The following CDKL5 variants were observed in gnomAD, a reference collection of about 807,000 sequenced individuals.
CDKL5 encodes the protein cyclin-dependent kinase-like 5.
In CDKL5, 8 loss-of-function variants were observed where a neutral mutation model predicts 61.7. The observed-to-expected ratio is 0.13, with a 90% confidence interval of 0.08 to 0.23. The LOEUF (loss-of-function observed/expected upper bound fraction) is 0.23, where lower values mean the gene tolerates loss of function less well. Among genes scored for constraint, CDKL5 ranks in the 10% least tolerant of loss-of-function variants. CDKL5 has a pLI of 1.00. For missense variants in CDKL5, 440 were observed against 734.5 expected, an observed-to-expected ratio of 0.60 and a Z score of 4.63; for synonymous variants, 275 against 272.3, an observed-to-expected ratio of 1.01 and a Z score of -0.10.
intron 1 of CDKL5, among the ~76,000 whole-genome samples, chrX:18,500,496 A>G (rs967885905): frequency 1.8e-5 from 2 of 111,808 alleles, no homozygotes; most frequent in Non-Finnish European, 3.8e-5. Flanking sequence ...GGTTTGGATT[A>G]TCTCTCTGGA....
At position 18,604,252 on chromosome X, in the gene CDKL5, A is replaced by ACCG; in HGVS notation, c.1331_1333dup (p.Arg444dup). 8.3e-7 allele frequency: 1 copy of ACCG among 1,211,701 alleles called. No individual in the cohort carries two copies. Among genetic ancestry groups the ACCG allele is most frequent in the African/African-American group, 1.7e-5 (1 of 57,788 alleles). ...AAGTCAAACAGCAGATCTCAGCAGA[A>ACCG]CCGCCACTCATTCATGGAAAGCTCT... On this transcript the variant is annotated inframe_insertion, in exon 12 of 18. Transcript: ENST00000623535.
intron 3 of CDKL5, among the ~76,000 whole-genome samples, chrX:18,517,039 CT>C (rs1923052294): frequency 1.8e-5 from 2 of 112,055 alleles, no homozygotes; most frequent in Non-Finnish European, 3.8e-5. Context: ...CCTGACCTAA[CT>C]TTTTTAGGGA....
chrX:18,625,711 A>C (rs1162508631), intron 17 of CDKL5, among the ~76,000 whole-genome samples: 2 of 111,990 alleles, frequency 1.8e-5, no homozygotes, highest in African/African-American at 6.5e-5. Context: ...TGAAATCCAT[A>C]CTGTTTTTGA....
chrX:18,526,870 G>A (rs904645620), intron 3 of CDKL5, among the ~76,000 whole-genome samples: 4 of 109,126 alleles, frequency 3.7e-5, no homozygotes, highest in African/African-American at 1.0e-4. Context: ...CGCAACCTCC[G>A]CCTCCTGGGT....
chrX:18,592,447 A>C (rs1483660784), intron 9 of CDKL5, among the ~76,000 whole-genome samples: 1 of 111,992 alleles, frequency 8.9e-6, no homozygotes, highest in Non-Finnish European at 1.9e-5. Flanking sequence ...TGGATTAGAT[A>C]GGCCACACAA....
intron 3 of CDKL5, 107 bp downstream of exon 3, chrX:18,510,961 T>A: frequency 3.4e-6 from 2 of 582,987 alleles, no homozygotes; most frequent in Non-Finnish European, 5.6e-6. Flanking sequence ...ATTCCTTATC[T>A]GAAATGCTTG....
intron 1 of CDKL5, among the ~76,000 whole-genome samples, chrX:18,447,700 A>G (rs1287973088): frequency 9.0e-6 from 1 of 110,962 alleles, no homozygotes; most frequent in East Asian, 2.8e-4. Flanking sequence ...TTGATGATCT[A>G]CTTACTCCTT....
At chrX:18,428,203 T>C (rs912651439) in intron 1 of CDKL5, among the ~76,000 whole-genome samples, 3 of 112,319 alleles carry the variant, frequency 2.7e-5, no homozygotes, top group African/African-American at 9.7e-5. Context: ...GTTTCACCAC[T>C]GTGTCCAGGA....
chrX:18,534,120 G>A (rs1208516420), intron 3 of CDKL5, among the ~76,000 whole-genome samples: 1 of 111,771 alleles, frequency 8.9e-6, no homozygotes, highest in Non-Finnish European at 1.9e-5. Flanking sequence ...CTCACTGCCT[G>A]CCTTTTAGTT....
chrX:18,500,170 A>G (rs1569196535), intron 1 of CDKL5, among the ~76,000 whole-genome samples: 2 of 111,756 alleles, frequency 1.8e-5, no homozygotes, highest in East Asian at 2.8e-4. Flanking sequence ...TAATGATTAT[A>G]GCTACTTAAT....
chrX:18,507,312 T>A, intron 2 of CDKL5, 152 bp downstream of exon 2: 1 of 424,122 alleles, frequency 2.4e-6, no homozygotes, highest in Non-Finnish European at 4.1e-6. Context: ...AAATTACTCT[T>A]AAACAATTTG....
Position 18,629,112 on chromosome X carries a change from C to T in CDKL5, c.*355C>T. The stretch of plus-strand genomic sequence containing the variant: ...TTGGGAATGCCAGGATGTGTCCTGG[C>T]ACTGCAAGGGATAGGAAAGTCGTGT... On this transcript the variant is annotated 3_prime_UTR_variant, in exon 18 of 18. Coordinates refer to ENST00000623535, the MANE Select transcript of CDKL5 (RefSeq NM_001323289.2). 1.0e-5 allele frequency: 8 copies of T among 803,426 alleles called. No individual in the cohort carries two copies. Among genetic ancestry groups the T allele is most frequent in the Non-Finnish European group, 1.2e-5 (8 of 670,832 alleles). The allele number at this position is 803,426 out of a possible 1,213,427, so 66.2% of individuals were successfully genotyped here.
chrX:18,469,225 G>C (rs1213503927), intron 1 of CDKL5, among the ~76,000 whole-genome samples: 2 of 105,326 alleles, frequency 1.9e-5, no homozygotes, highest in Non-Finnish European at 1.9e-5. Context: ...TGTAGTCCCA[G>C]CTACTTGCCA....
intron 1 of CDKL5, among the ~76,000 whole-genome samples, chrX:18,440,853 A>G (rs1379886434): frequency 8.9e-6 from 1 of 111,920 alleles, no homozygotes; most frequent in East Asian, 2.8e-4. Flanking sequence ...TACTCACCAA[A>G]TGACAGCCAA....
At position 18,631,644 on chromosome X, in the gene CDKL5, G is replaced by A; in HGVS notation, c.*2887G>A. On this transcript the variant is annotated 3_prime_UTR_variant, in exon 18 of 18. Coordinates refer to ENST00000623535, the MANE Select transcript of CDKL5 (RefSeq NM_001323289.2). Reference sequence around the variant, plus strand: ...CGTAACTTCCTAAAGAAGAAAAAGGGTGAATGAAAGCTTATGTTACTTTTA... The same window carrying A: ...CGTAACTTCCTAAAGAAGAAAAAGGATGAATGAAAGCTTATGTTACTTTTA... The A allele has an allele frequency of 1.3e-6, 1 of 753,760 alleles. No individual in the cohort carries two copies. Among genetic ancestry groups the A allele is most frequent in the Non-Finnish European group, 1.6e-6 (1 of 638,668 alleles). 62.1% of individuals were successfully genotyped at this position (753,760 alleles called of 1,213,427 possible).
chrX:18,541,737 C>T lies in CDKL5; in HGVS notation c.100-22740C>T, dbSNP rs868215395. 4.5e-5 allele frequency among the ~76,000 whole-genome samples: 5 copies of T among 111,628 alleles called. No homozygotes were observed. The Middle Eastern group carries it at 0.014, about 309-fold the overall frequency. ...GTTTCACCATGTTGCCCAGGCTCGT[C>T]TCCAACTCCTGGACTTAAGCAGTCC... On this transcript the variant is annotated intron_variant, in intron 3 of 17. Coordinates refer to ENST00000623535, the MANE Select transcript of CDKL5 (RefSeq NM_001323289.2).
chrX:18,456,381 T>A (rs1232884761), intron 1 of CDKL5, among the ~76,000 whole-genome samples: 1 of 112,218 alleles, frequency 8.9e-6, no homozygotes, highest in Non-Finnish European at 1.9e-5. Context: ...TGATGTGGTG[T>A]AGTTTTCATT....
chrX:18,576,724 C>T (rs1268992269), intron 5 of CDKL5, among the ~76,000 whole-genome samples: 1 of 110,033 alleles, frequency 9.1e-6, no homozygotes, highest in East Asian at 2.8e-4. Flanking sequence ...TGTTCCTTTT[C>T]CAGAATCTGT....
At position 18,610,282 on chromosome X, in the gene CDKL5, C is replaced by T. The variant is rs190048329; in HGVS notation, c.2152+712C>T. ...ATGGGACTGCACAGGCTGTGCCCTC[C>T]TCTGGCCTGTAATGTACTCTTCCTC... On this transcript the variant is annotated intron_variant, in intron 14 of 17. Coordinates refer to ENST00000623535, the MANE Select transcript of CDKL5 (RefSeq NM_001323289.2). 3.5e-3 allele frequency among the ~76,000 whole-genome samples: 391 copies of T among 112,761 alleles called. 2 individuals carry two copies. In the Middle Eastern group the frequency reaches 0.046, roughly 13 times the overall value.
Sources: gnomAD v4.1 joint callset for allele counts (sites outside exome capture counted in the v4.1 genomes callset) on GRCh38, gnomAD v4.1.1 for gene constraint, MANE v1.5 for transcripts, NCBI Gene and HGNC (gene_info 2026-07-23, HGNC 2026-07-21) for gene names.